EXT2: variants seen among roughly 807,000 people sequenced by gnomAD.
EXT2 encodes the protein exostosin glycosyltransferase 2.
EXT2 carries 53 observed loss-of-function variants against 81.6 expected under a neutral mutation model. That is an observed-to-expected ratio of 0.65 (90% CI 0.52 to 0.82). The LOEUF is 0.82. Among genes scored for constraint, EXT2 ranks in the 40% least tolerant of loss-of-function variants. EXT2 has a pLI of 0.00. For synonymous variants in EXT2, 320 were observed against 340.0 expected (o/e 0.94, Z 0.65); for missense variants, 774 against 910.2 (o/e 0.85, Z 1.93).
intron 9 of EXT2, 151 bp downstream of exon 9, chr11:44,198,169 G>T: frequency 1.2e-6 from 1 of 820,246 alleles, no homozygotes; most frequent in Admixed American, 2.1e-5. Flanking sequence ...TCTCATTCTT[G>T]TTCTAGGGTG....
chr11:44,186,532 G>A (rs544558613), intron 8 of EXT2, among the ~76,000 whole-genome samples: 2 of 152,178 alleles, frequency 1.3e-5, no homozygotes, highest in African/African-American at 4.8e-5. Flanking sequence ...TGCTCTCCTT[G>A]ACAGTAGTTT....
At chr11:44,096,383 G>T in intron 1 of EXT2, 3 of 1,464,704 alleles carry the variant, frequency 2.0e-6, no homozygotes, top group Non-Finnish European at 2.7e-6. Context: ...GTGTTAGGCC[G>T]GGGACTGGGT....
At chr11:44,230,602 T>A (rs1439854890) in intron 10 of EXT2, among the ~76,000 whole-genome samples, 1 of 152,142 alleles carries the variant, frequency 6.6e-6, no homozygotes, top group Non-Finnish European at 1.5e-5. Flanking sequence ...GGGGGGAAGA[T>A]GGCCTTGTGA....
At chr11:44,130,174 G>A (rs1327166631) in intron 7 of EXT2, 36 bp downstream of exon 7, 1 of 1,541,678 alleles carries the variant, frequency 6.5e-7, no homozygotes, top group Non-Finnish European at 9.0e-7. Flanking sequence ...GACATGGGTG[G>A]TACCGAAATG....
chr11:44,103,009 T>A (rs1028889567), intron 1 of EXT2, among the ~76,000 whole-genome samples: 2 of 152,214 alleles, frequency 1.3e-5, no homozygotes, highest in African/African-American at 4.8e-5. Context: ...TTTTACTTCC[T>A]TATTGTGTTT....
At chr11:44,219,444 G>A (rs1048573474) in intron 10 of EXT2, among the ~76,000 whole-genome samples, 11 of 152,200 alleles carry the variant, frequency 7.2e-5, no homozygotes, top group African/African-American at 2.6e-4. Context: ...CTTGAGTCTA[G>A]GATCGTGCCA....
chr11:44,135,434 C>T (rs1252131445), intron 7 of EXT2, among the ~76,000 whole-genome samples: 1 of 149,144 alleles, frequency 6.7e-6, no homozygotes, highest in Non-Finnish European at 1.5e-5. Context: ...TTGTGTCACC[C>T]AGGCTGGAGT....
At chr11:44,170,791 T>C (rs1374476312) in intron 7 of EXT2, among the ~76,000 whole-genome samples, 2 of 149,160 alleles carry the variant, frequency 1.3e-5, no homozygotes, top group African/African-American at 5.0e-5. Flanking sequence ...AATTCATCCA[T>C]AATTTAAAAC....
chr11:44,111,998 G>A (rs1458254336), intron 3 of EXT2, among the ~76,000 whole-genome samples: 1 of 152,122 alleles, frequency 6.6e-6, no homozygotes, highest in African/African-American at 2.4e-5. Flanking sequence ...CAGTTTGTTT[G>A]ACTCAGTGAA....
chr11:44,228,135 A>G (rs998657037), intron 10 of EXT2, among the ~76,000 whole-genome samples: 1 of 152,214 alleles, frequency 6.6e-6, no homozygotes, highest in Admixed American at 6.5e-5. Flanking sequence ...GTTTTTTATA[A>G]CAGAGATAGG....
chr11:44,213,883 A>G (rs902103059), intron 10 of EXT2, among the ~76,000 whole-genome samples: 3 of 152,246 alleles, frequency 2.0e-5, no homozygotes, highest in Non-Finnish European at 4.4e-5. Flanking sequence ...AAGCTGAACC[A>G]ACCACCAACA....
intron 10 of EXT2, among the ~76,000 whole-genome samples, chr11:44,223,590 A>T (rs531046499): frequency 6.6e-6 from 1 of 152,022 alleles, no homozygotes; most frequent in Non-Finnish European, 1.5e-5. Flanking sequence ...AAAATTATAG[A>T]AATGGAGGAC....
chr11:44,098,368 A>G (rs1953931091), intron 1 of EXT2, among the ~76,000 whole-genome samples: 1 of 152,012 alleles, frequency 6.6e-6, no homozygotes, highest in African/African-American at 2.4e-5. Context: ...CAGTTTTACA[A>G]AAGGGGTCCA....
chr11:44,117,487 A>G (rs755948374), intron 4 of EXT2, among the ~76,000 whole-genome samples: 1 of 152,088 alleles, frequency 6.6e-6, no homozygotes, highest in Non-Finnish European at 1.5e-5. Flanking sequence ...TAATTTTTGT[A>G]TGTGGTATAA....
At chr11:44,234,034 C>A (rs142790340) in intron 11 of EXT2, 81 bp from the exon 12 acceptor site, 9 of 1,596,454 alleles carry the variant, frequency 5.6e-6, no homozygotes, top group Non-Finnish European at 6.9e-6. Flanking sequence ...TGTCCCCATG[C>A]CTTGGCTATG....
intron 8 of EXT2, among the ~76,000 whole-genome samples, chr11:44,187,477 A>C (rs55716182): frequency 0.018 from 2,666 of 152,066 alleles, 80 homozygotes; most frequent in African/African-American, 0.062. Flanking sequence ...TTTGAATTTC[A>C]TTATTCTTAT....
chr11:44,186,895 T>C (rs1955318850), intron 8 of EXT2, among the ~76,000 whole-genome samples: 1 of 152,228 alleles, frequency 6.6e-6, no homozygotes, highest in African/African-American at 2.4e-5. Context: ...TATCTGATTA[T>C]GTCTGATTAT....
intron 7 of EXT2, among the ~76,000 whole-genome samples, chr11:44,154,555 T>G (rs1449641399): frequency 6.6e-6 from 1 of 152,186 alleles, no homozygotes; most frequent in African/African-American, 2.4e-5. Context: ...GACACTTAGG[T>G]TGCTTCCAAA....
chr11:44,222,458 C>T (rs1213426168), intron 10 of EXT2, among the ~76,000 whole-genome samples: 1 of 152,194 alleles, frequency 6.6e-6, no homozygotes, highest in Non-Finnish European at 1.5e-5. Context: ...TTTATATATA[C>T]TTCCTGTCAG....
Sources: gnomAD v4.1 joint callset for allele counts (sites outside exome capture counted in the v4.1 genomes callset) on GRCh38, gnomAD v4.1.1 for gene constraint, MANE v1.5 for transcripts, NCBI Gene and HGNC (gene_info 2026-07-23, HGNC 2026-07-21) for gene names.